MAP4K5: variants seen among roughly 807,000 people sequenced by gnomAD.
MAP4K5 encodes MAPK/ERK kinase kinase kinase 5.
Under a neutral mutation model 135.6 loss-of-function variants are expected in MAP4K5, and 82 were observed. The observed-to-expected ratio is 0.60, with a 90% CI of 0.51 to 0.73. The LOEUF is 0.73. Among genes scored for constraint, MAP4K5 ranks in the 30% least tolerant of loss-of-function variants. MAP4K5 has a pLI of 0.00. For missense variants in MAP4K5, 907 were observed against 1,010.9 expected, an observed-to-expected ratio of 0.90 and a Z score of 1.39; for synonymous variants, 347 against 335.0, an observed-to-expected ratio of 1.04 and a Z score of -0.39.
intron 20 of MAP4K5, 46 bp downstream of exon 20, chr14:50,443,683 A>G: frequency 6.6e-7 from 1 of 1,511,380 alleles, no homozygotes; most frequent in Non-Finnish European, 8.9e-7. Context: ...TGCTGCTTCT[A>G]AAGAGAGAAA....
At chr14:50,523,776 C>G (rs1032147131) in intron 2 of MAP4K5, among the ~76,000 whole-genome samples, 1 of 152,182 alleles carries the variant, frequency 6.6e-6, no homozygotes, top group African/African-American at 2.4e-5. Flanking sequence ...GCTTTGTTCA[C>G]TAGATGTATC....
intron 2 of MAP4K5, among the ~76,000 whole-genome samples, chr14:50,505,428 A>G (rs181258302): frequency 1.3e-5 from 2 of 152,278 alleles, no homozygotes; most frequent in Admixed American, 6.5e-5. Context: ...TACAATTTTA[A>G]TATTATTTTC....
chr14:50,514,964 C>T (rs1327230446), intron 2 of MAP4K5, among the ~76,000 whole-genome samples: 3 of 150,588 alleles, frequency 2.0e-5, no homozygotes, highest in Admixed American at 6.6e-5. Context: ...AGTACAGTGG[C>T]GTAATCTTGG....
intron 3 of MAP4K5, among the ~76,000 whole-genome samples, chr14:50,492,467 G>A (rs2037504551): frequency 1.3e-5 from 2 of 151,886 alleles, no homozygotes; most frequent in South Asian, 4.1e-4. Context: ...GCTGGCGTGT[G>A]CCTGTAGCCC....
At chr14:50,482,740 G>A (rs184044982) in intron 5 of MAP4K5, 23 of 183,188 alleles carry the variant, frequency 1.3e-4, no homozygotes, top group South Asian at 1.5e-4. Context: ...TCACACCACC[G>A]CACTCCAGCC....
chr14:50,470,241 A>G (rs2036927067), intron 9 of MAP4K5, among the ~76,000 whole-genome samples: 1 of 152,184 alleles, frequency 6.6e-6, no homozygotes, highest in Non-Finnish European at 1.5e-5. Context: ...TCAGTTGGCC[A>G]TAGGTATAGA....
intron 26 of MAP4K5, among the ~76,000 whole-genome samples, chr14:50,435,539 A>ATT (rs756334252): frequency 1.1e-4 from 16 of 143,892 alleles, no homozygotes; most frequent in Admixed American, 2.8e-4. Flanking sequence ...TAATTTTTCA[A>ATT]TTTTTTTTTT....
rs1028685437 is a variant in MAP4K5, at chr14:50,462,827, A to G, written c.820-46T>C. The G allele has an allele frequency of 4.6e-6, 5 of 1,093,364 alleles. No homozygotes were observed. The African/African-American group carries it at 4.7e-5, about 10-fold the overall frequency. 67.7% of individuals were successfully genotyped at this position (1,093,364 alleles called of 1,614,324 possible). ...ATTTCATGAGTATGCCTTTACATCT[A>G]TGGCTTAAAGAAAATGCTATCTTCA... is the stretch of plus-strand genomic sequence containing the variant. On this transcript the variant is annotated intron_variant, in intron 12 of 32. Coordinates refer to ENST00000682126, the MANE Select transcript of MAP4K5 (RefSeq NM_006575.6).
chr14:50,429,136 A>T (rs2035914493), intron 29 of MAP4K5, 56 bp downstream of exon 29: 1 of 941,044 alleles, frequency 1.1e-6, no homozygotes, highest in South Asian at 1.9e-5. Flanking sequence ...TTAACAGAAT[A>T]AAAAAATTGC....
At chr14:50,477,234 TTA>T (rs1358669377) in intron 6 of MAP4K5, among the ~76,000 whole-genome samples, 47 of 152,322 alleles carry the variant, frequency 3.1e-4, no homozygotes, top group African/African-American at 1.1e-3. Context: ...GTCATATTCT[TTA>T]TGTTATTATA....
At chr14:50,462,583 C>A in intron 13 of MAP4K5, 82 bp downstream of exon 13, 1 of 876,012 alleles carries the variant, frequency 1.1e-6, no homozygotes, top group East Asian at 2.5e-5. Flanking sequence ...AAGATAGACT[C>A]AGAAAACAAA....
intron 13 of MAP4K5, among the ~76,000 whole-genome samples, chr14:50,459,695 T>TTC (rs200434430): frequency 1.4e-5 from 2 of 142,244 alleles, no homozygotes; most frequent in Non-Finnish European, 3.2e-5. Context: ...TTTTCTTTCT[T>TTC]TCTCTTTTTT....
At chr14:50,465,218 G>A (rs1370019524) in intron 11 of MAP4K5, among the ~76,000 whole-genome samples, 2 of 152,174 alleles carry the variant, frequency 1.3e-5, no homozygotes, top group Non-Finnish European at 2.9e-5. Context: ...TGTTTGTGGG[G>A]AGGGGCCTCT....
At chr14:50,441,187 C>T (rs960652567) in intron 21 of MAP4K5, among the ~76,000 whole-genome samples, 8 of 152,098 alleles carry the variant, frequency 5.3e-5, no homozygotes, top group African/African-American at 1.9e-4. Flanking sequence ...GGATGCTAAA[C>T]TGAGTGAGTG....
chr14:50,446,111 T>G lies in MAP4K5; in HGVS notation c.1153A>C (p.Lys385Gln). The G allele has an allele frequency of 6.4e-7, 1 of 1,573,868 alleles. No homozygotes were observed. Among genetic ancestry groups the G allele is most frequent in the South Asian group, 1.2e-5 (1 of 83,696 alleles). The change falls in exon 17 of 33, where the codon AAA becomes CAA. Residue 385 changes from lysine to glutamine, a missense_variant. Physicochemically the swap from Lys to Gln is moderately conservative, Grantham distance 53. Around this residue, in one of 3 missense-constraint regions of MAP4K5, gnomAD observed 690 missense variants for 777.4 expected, o/e 0.89. Coordinates refer to ENST00000682126, the MANE Select transcript of MAP4K5 (RefSeq NM_006575.6). ...GGTAGGGGAGGTGGTATTGCACGTT[T>G]TGAGGTTGATCTAATACAAAGAAGA... Reference protein sequence around the residue: ...DGANTGKSTSKRAIPPPLPPK... With the variant: ...DGANTGKSTSQRAIPPPLPPK...
intron 8 of MAP4K5, among the ~76,000 whole-genome samples, chr14:50,475,542 T>C (rs980239341): frequency 6.6e-6 from 1 of 152,208 alleles, no homozygotes; most frequent in Non-Finnish European, 1.5e-5. Flanking sequence ...TTTTTTTCTA[T>C]GTATGAACTT....
At chr14:50,513,250 T>C (rs1226871629) in intron 2 of MAP4K5, among the ~76,000 whole-genome samples, 2 of 152,176 alleles carry the variant, frequency 1.3e-5, no homozygotes, top group African/African-American at 4.8e-5. Context: ...TCCAAGTCAA[T>C]TTACTACTAA....
intron 9 of MAP4K5, among the ~76,000 whole-genome samples, chr14:50,469,612 C>G (rs978971372): frequency 6.6e-6 from 1 of 151,966 alleles, no homozygotes; most frequent in Non-Finnish European, 1.5e-5. Flanking sequence ...TTTCAAAGGC[C>G]GTAGCAGAGG....
rs2036314100 is a variant in MAP4K5 at position 50,445,099 on chromosome 14, T to C, written c.1281A>G (p.Gln427=). 11 of 1,613,572 alleles carry C rather than the reference T, an allele frequency of 6.8e-6. 1 individual carries two copies. Among genetic ancestry groups the C allele is most frequent in the African/African-American group, 2.7e-5 (2 of 74,914 alleles). Residue 427 remains glutamine (Q), a synonymous_variant, in exon 18 of 33, where the codon CAA becomes CAG. Transcript: ENST00000682126. ...HCPDSESRAP[Q]ILRRQSSPSC... ...TTGGGCTACTCTGTCTTCTGAGAATTTGGGGAGCTCTGCTTTCTGAATCAG... is the reference window on the plus strand; with the variant it reads ...TTGGGCTACTCTGTCTTCTGAGAATCTGGGGAGCTCTGCTTTCTGAATCAG...
Sources: gnomAD v4.1 joint callset for allele counts (sites outside exome capture counted in the v4.1 genomes callset) on GRCh38, gnomAD v4.1.1 for gene constraint, gnomAD v4.1.1 regional missense constraint, MANE v1.5 for transcripts, NCBI Gene and HGNC (gene_info 2026-07-23, HGNC 2026-07-21) for gene names.